PTPRS: variants seen among roughly 807,000 people sequenced by gnomAD.
The protein encoded by PTPRS is receptor-type tyrosine-protein phosphatase S.
A neutral mutation model predicts 215.3 loss-of-function variants in PTPRS; 63 were observed. That is an observed-to-expected ratio of 0.29 (90% confidence interval 0.24 to 0.36). The LOEUF (loss-of-function observed/expected upper bound fraction) is 0.36, where lower values mean the gene tolerates loss of function less well. Among genes scored for constraint, PTPRS ranks in the 10% least tolerant of loss-of-function variants. The probability of loss-of-function intolerance (pLI) is 1.00; values close to 1 mark genes in which losing one functional copy is unlikely to be tolerated. For missense variants in PTPRS, 2,258 were observed against 2,825.8 expected (o/e 0.80, Z 4.56); for synonymous variants, 1,404 against 1,191.4 (o/e 1.18, Z -3.68).
At chr19:5,326,468 C>T (rs1004488818) in intron 1 of PTPRS, among the ~76,000 whole-genome samples, 2 of 152,192 alleles carry the variant, frequency 1.3e-5, no homozygotes, top group African/African-American at 4.8e-5. Context: ...TTTCCGTTCA[C>T]AAGAGCAAGA....
chr19:5,233,196 A>G (rs1378116632), intron 13 of PTPRS, among the ~76,000 whole-genome samples: 1 of 150,022 alleles, frequency 6.7e-6, no homozygotes, highest in African/African-American at 2.5e-5. Context: ...TCGAACACCT[A>G]TGTGCCAGGC....
intron 1 of PTPRS, among the ~76,000 whole-genome samples, chr19:5,289,478 C>T (rs981315714): frequency 1.3e-5 from 2 of 152,192 alleles, no homozygotes; most frequent in Non-Finnish European, 2.9e-5. Flanking sequence ...CCTCTGCCCA[C>T]AGCCCTCCAT....
intron 1 of PTPRS, among the ~76,000 whole-genome samples, chr19:5,336,268 G>A (rs1036171527): frequency 7.1e-6 from 1 of 140,242 alleles, no homozygotes; most frequent in African/African-American, 2.6e-5. Flanking sequence ...GGAAAAGGGG[G>A]GGGGGCGGGG....
chr19:5,281,245 G>A (rs941052011), intron 2 of PTPRS, among the ~76,000 whole-genome samples: 1 of 152,006 alleles, frequency 6.6e-6, no homozygotes, highest in African/African-American at 2.4e-5. Context: ...AGGATCAACT[G>A]AGGTCAGGAG....
At position 5,257,807 on chromosome 19, in the gene PTPRS, A is replaced by G. The variant is rs1180095339; in HGVS notation, c.706+210T>C. On this transcript the variant is annotated intron_variant, in intron 8 of 37. Coordinates refer to ENST00000262963, the MANE Select transcript of PTPRS (RefSeq NM_002850.4). The surrounding 1 kb of genome is among the most constrained non-coding windows in gnomAD (Gnocchi z 4.4). ...GGGGCATCTCTCGCAAGGCACGAGGAAGGGAATTTAAGCTGCCCCCATTCT... is the reference window on the plus strand; with the variant it reads ...GGGGCATCTCTCGCAAGGCACGAGGGAGGGAATTTAAGCTGCCCCCATTCT... 1.3e-5 allele frequency among the ~76,000 whole-genome samples: 2 copies of G among 152,104 alleles called. No homozygotes were observed. The highest frequency in any genetic ancestry group is 2.9e-5 in the Non-Finnish European group (2 of 67,998).
intron 1 of PTPRS, among the ~76,000 whole-genome samples, chr19:5,323,773 T>A (rs544872920): frequency 6.6e-6 from 1 of 151,996 alleles, no homozygotes; most frequent in African/African-American, 2.4e-5. Context: ...TAGAGGGCTA[T>A]AGGCAGAGGA....
intron 1 of PTPRS, among the ~76,000 whole-genome samples, chr19:5,324,663 G>A (rs753154345): frequency 1.3e-5 from 2 of 152,200 alleles, no homozygotes; most frequent in Non-Finnish European, 2.9e-5. Context: ...AACTCTACTT[G>A]CTGTGTGACC....
At position 5,237,726 on chromosome 19, in the gene PTPRS, G is replaced by A. The variant is rs2043594883; in HGVS notation, c.1849+1193C>T. ...GACACCTCAGCCAGTCTCTCAGGTG[G>A]CTGCCCAAGCCACAGGCCACCCTCA... On this transcript the variant is annotated intron_variant, in intron 13 of 37. Coordinates refer to ENST00000262963, the MANE Select transcript of PTPRS (RefSeq NM_002850.4). This position sits in a 1 kb window ranked among gnomAD's most constrained non-coding sequence, Gnocchi z 4.2. Among the ~76,000 whole-genome samples, 1 of 152,162 alleles carries A rather than the reference G, an allele frequency of 6.6e-6. No individual in the cohort carries two copies. The highest frequency in any genetic ancestry group is 1.5e-5 in the Non-Finnish European group (1 of 68,042).
At chr19:5,325,602 A>G (rs1227072035) in intron 1 of PTPRS, among the ~76,000 whole-genome samples, 1 of 152,134 alleles carries the variant, frequency 6.6e-6, no homozygotes, top group Non-Finnish European at 1.5e-5. Context: ...AGTGGCCACG[A>G]CCCAAGCACA....
At position 5,231,472 on chromosome 19, in the gene PTPRS, C is replaced by T. The variant is rs1308508280; in HGVS notation, c.1993G>A (p.Asp665Asn). The change falls in exon 14 of 38, where the codon GAC (aspartate) becomes AAC (asparagine). Residue 665 changes from aspartate (D) to asparagine (N), a missense_variant. Asp to Asn is a conservative substitution (Grantham distance 23, BLOSUM62 1). Around this residue, in one of 6 missense-constraint regions of PTPRS, gnomAD observed 371 missense variants for 446.7 expected, o/e 0.83. Coordinates refer to ENST00000262963, the MANE Select transcript of PTPRS (RefSeq NM_002850.4). ...CCGTTCACCTCCTTGGGTTCCGGGT[C>T]CTCTGAGCCCAGCGGTCGGTAGCGG... is the stretch of plus-strand genomic sequence containing the variant. ...SVRYRPLGSEDPEPKEVNGIP... is the reference protein window; with the variant it reads ...SVRYRPLGSENPEPKEVNGIP... 1.9e-6 allele frequency: 3 copies of T among 1,612,852 alleles called. No homozygotes were observed. Among genetic ancestry groups the T allele is most frequent in the East Asian group, 2.2e-5 (1 of 44,844 alleles).
chr19:5,308,215 G>C (rs2049565960), intron 1 of PTPRS, among the ~76,000 whole-genome samples: 1 of 152,206 alleles, frequency 6.6e-6, no homozygotes. Context: ...CGGAGGGCCT[G>C]GTTCCCCTCG....
intron 4 of PTPRS, among the ~76,000 whole-genome samples, chr19:5,267,580 C>A (rs2046511095): frequency 6.6e-6 from 1 of 151,796 alleles, no homozygotes; most frequent in Non-Finnish European, 1.5e-5. Context: ...TCGCTTAAAC[C>A]CAGGAGGTGG....
chr19:5,222,934 G>A lies in PTPRS; in HGVS notation c.2858C>T (p.Pro953Leu). 6.4e-7 allele frequency: 1 copy of A among 1,558,422 alleles called. No homozygotes were observed. Among genetic ancestry groups the A allele is most frequent in the Non-Finnish European group, 8.6e-7 (1 of 1,159,472 alleles). ...AGTVLLRWLPPVPAERNGAIV... is the reference protein window; with the variant it reads ...AGTVLLRWLPLVPAERNGAIV... ...GGCCCCGTTGCGCTCGGCGGGCACG[G>A]GTGGCAGCCAGCGGAGAAGGACGGT... The change falls in exon 18 of 38, where the codon CCC becomes CTC. Residue 953 changes from proline to leucine, a missense_variant. Physicochemically the swap from Pro to Leu is moderately conservative, Grantham distance 98. This residue lies in a region of PTPRS where 361 missense variants were observed against 332.6 expected (regional missense o/e 1.09). Coordinates refer to ENST00000262963, the MANE Select transcript of PTPRS (RefSeq NM_002850.4).
intron 20 of PTPRS, among the ~76,000 whole-genome samples, chr19:5,220,657 C>T (rs1272192443): frequency 6.6e-6 from 1 of 152,208 alleles, no homozygotes; most frequent in Non-Finnish European, 1.5e-5. Context: ...ATCTTCTCTG[C>T]CTCTGAGGCA....
intron 26 of PTPRS, among the ~76,000 whole-genome samples, chr19:5,216,216 C>A (rs2041434791): frequency 6.6e-6 from 1 of 152,070 alleles, no homozygotes; most frequent in Non-Finnish European, 1.5e-5. Flanking sequence ...GGCCTGAGAG[C>A]TCTTATCCTT....
At chr19:5,329,803 A>G (rs2050268104) in intron 1 of PTPRS, among the ~76,000 whole-genome samples, 1 of 151,130 alleles carries the variant, frequency 6.6e-6, no homozygotes, top group East Asian at 2.0e-4. Flanking sequence ...CAGGTCGGGC[A>G]TGGTGGCTCA....
chr19:5,299,743 G>A (rs985021039), intron 1 of PTPRS, among the ~76,000 whole-genome samples: 15 of 151,898 alleles, frequency 9.9e-5, no homozygotes, highest in African/African-American at 2.7e-4. Context: ...ATGGTGGTGC[G>A]CACCTGTAAT....
In PTPRS at chr19:5,223,119, C is replaced by G. The variant is rs750512636; in HGVS notation, c.2673G>C (p.Thr891=). The G allele has an allele frequency of 1.7e-5, 27 of 1,567,636 alleles. No homozygotes were observed. Among genetic ancestry groups the G allele is most frequent in the Non-Finnish European group, 2.2e-5 (25 of 1,156,840 alleles). ...TGGCCCCCTTGTGCACGCCTGATGC[C>G]GTGTAGCGGTCCTCGGAGGGCGGGA... ...LEFPPSEDRY[T]ASGVHKGATY... is the part of the protein sequence containing the mutation. Residue 891 remains threonine, a synonymous_variant, in exon 18 of 38, where the codon ACG becomes ACC. Transcript: ENST00000262963.
At chr19:5,305,746 A>AATATATAT (rs150998094) in intron 1 of PTPRS, among the ~76,000 whole-genome samples, 5 of 105,716 alleles carry the variant, frequency 4.7e-5, no homozygotes, top group East Asian at 2.5e-4. Context: ...TAAATAAATA[A>AATATATAT]ATATATATAT....
Sources: allele counts gnomAD v4.1 joint callset (sites outside exome capture counted in the v4.1 genomes callset), GRCh38; gene constraint gnomAD v4.1.1; regional missense constraint gnomAD v4.1.1; non-coding constraint Gnocchi (gnomAD v3.1); transcripts MANE v1.5; gene names NCBI Gene and HGNC (gene_info 2026-07-23, HGNC 2026-07-21).